Variants in CFAP221 observed in about 807,000 individuals in gnomAD.
The protein encoded by CFAP221 is cilia and flagella associated protein 221.
A neutral mutation model predicts 113.1 loss-of-function variants in CFAP221; 97 were observed. That is an observed-to-expected ratio of 0.86 (90% confidence interval 0.73 to 1.02). The LOEUF (loss-of-function observed/expected upper bound fraction) is 1.02, where lower values mean the gene tolerates loss of function less well. Ranked by LOEUF, CFAP221 falls within the 50% of genes least tolerant of loss-of-function variation. The pLI, the probability that CFAP221 is intolerant of heterozygous loss-of-function variation, is 0.00. For synonymous variants in CFAP221, 331 were observed against 354.4 expected, an observed-to-expected ratio of 0.93 and a Z score of 0.74; for missense variants, 1,025 against 1,013.4, an observed-to-expected ratio of 1.01 and a Z score of -0.16.
chr2:119,628,293 G>GCT (rs5833795), intron 16 of CFAP221, among the ~76,000 whole-genome samples: 4 of 145,674 alleles, frequency 2.7e-5, no homozygotes, highest in African/African-American at 1.1e-4. Context: ...TCTCTCTGGG[G>GCT]GGTGTGTGTG....
At chr2:119,613,971 A>G (rs568065788) in intron 13 of CFAP221, among the ~76,000 whole-genome samples, 10 of 152,358 alleles carry the variant, frequency 6.6e-5, no homozygotes, top group African/African-American at 2.2e-4. Flanking sequence ...GACAGCACCC[A>G]AGTCACCTCT....
At chr2:119,561,719 A>C (rs1378807710) in intron 5 of CFAP221, among the ~76,000 whole-genome samples, 1 of 150,640 alleles carries the variant, frequency 6.6e-6, no homozygotes, top group Non-Finnish European at 1.5e-5. Flanking sequence ...TTTCTTTATA[A>C]TTTTCTGAAA....
At chr2:119,562,617 A>T (rs1364369396) in intron 6 of CFAP221, among the ~76,000 whole-genome samples, 1 of 152,228 alleles carries the variant, frequency 6.6e-6, no homozygotes, top group Non-Finnish European at 1.5e-5. Context: ...TGTTTTGGAG[A>T]CAAAGGCAAA....
chr2:119,607,721 A>T (rs1451152418), intron 11 of CFAP221, among the ~76,000 whole-genome samples: 1 of 152,078 alleles, frequency 6.6e-6, no homozygotes, highest in Non-Finnish European at 1.5e-5. Flanking sequence ...GTCTCTATGG[A>T]TTTGCCCACT....
chr2:119,570,405 A>T (rs1295233136), intron 6 of CFAP221, among the ~76,000 whole-genome samples: 3 of 152,234 alleles, frequency 2.0e-5, no homozygotes, highest in African/African-American at 7.2e-5. Context: ...CACATATGAT[A>T]AAATTTGCTA....
chr2:119,653,242 G>A (rs369545489), intron 23 of CFAP221, among the ~76,000 whole-genome samples: 22 of 151,982 alleles, frequency 1.4e-4, no homozygotes, highest in Admixed American at 2.6e-4. Flanking sequence ...TTAGCTGGGC[G>A]TGGTGGCAGG....
chr2:119,578,036 C>G (rs1472758128), intron 6 of CFAP221, among the ~76,000 whole-genome samples: 2 of 152,184 alleles, frequency 1.3e-5, no homozygotes, highest in Admixed American at 1.3e-4. Flanking sequence ...ATGGTCCACT[C>G]AAATACTGGC....
At chr2:119,550,303 G>A (rs1277218546) in intron 3 of CFAP221, among the ~76,000 whole-genome samples, 1 of 152,178 alleles carries the variant, frequency 6.6e-6, no homozygotes, top group Non-Finnish European at 1.5e-5. Flanking sequence ...AACACTGGAG[G>A]AAACTGACAA....
chr2:119,617,351 A>C (rs1685596986), intron 14 of CFAP221, among the ~76,000 whole-genome samples: 2 of 152,318 alleles, frequency 1.3e-5, no homozygotes, highest in South Asian at 4.1e-4. Context: ...ATATGTGCAA[A>C]CAGAGTCCAC....
At chr2:119,612,330 G>A (rs1194228647) in intron 13 of CFAP221, among the ~76,000 whole-genome samples, 2 of 152,210 alleles carry the variant, frequency 1.3e-5, no homozygotes, top group East Asian at 3.8e-4. Context: ...TTGACTCATA[G>A]TTCTGAATGG....
chr2:119,565,619 T>C (rs1454382524), intron 6 of CFAP221, among the ~76,000 whole-genome samples: 2 of 152,134 alleles, frequency 1.3e-5, no homozygotes, highest in East Asian at 3.9e-4. Context: ...AGCTAAACAG[T>C]TTATTTAACT....
chr2:119,642,256 A>C (rs1687538022), intron 21 of CFAP221, among the ~76,000 whole-genome samples: 1 of 152,134 alleles, frequency 6.6e-6, no homozygotes, highest in Admixed American at 6.5e-5. Context: ...GGGATGTAAG[A>C]CTCTAGGTCA....
intron 2 of CFAP221, among the ~76,000 whole-genome samples, chr2:119,547,727 G>A (rs925962223): frequency 1.5e-4 from 23 of 152,114 alleles, no homozygotes; most frequent in Admixed American, 6.6e-5. Context: ...TGGCCCAAGT[G>A]GATGACAGTG....
chr2:119,603,621 GA>G (rs1181329924), intron 8 of CFAP221, among the ~76,000 whole-genome samples: 2 of 152,124 alleles, frequency 1.3e-5, no homozygotes, highest in Admixed American at 6.6e-5. Context: ...TACTGTCATG[GA>G]AAACAAATGT....
intron 6 of CFAP221, among the ~76,000 whole-genome samples, chr2:119,563,824 G>A (rs1306933875): frequency 6.6e-6 from 1 of 152,224 alleles, no homozygotes; most frequent in Non-Finnish European, 1.5e-5. Context: ...TACAGGAGGT[G>A]ACAGCTGGGT....
At position 119,651,978 on chromosome 2, in the gene CFAP221, C is replaced by T. The variant is rs1244177107; in HGVS notation, c.2323C>T (p.Leu775Phe). ...AAACATCTTATTACTTTGCAGTGAG[C>T]TCTGTGAGCAGAATGTAGAAGTTAT... Reference protein sequence around the residue: ...EDRLETVERELCEQNVEVMLT... With the variant: ...EDRLETVEREFCEQNVEVMLT... The change falls in exon 23 of 24, where the codon CTC (leucine) becomes TTC (phenylalanine). Residue 775 changes from leucine to phenylalanine, a missense_variant. Coordinates refer to ENST00000413369, the MANE Select transcript of CFAP221 (RefSeq NM_001271049.2). The T allele has an allele frequency of 6.2e-7, 1 of 1,610,440 alleles. No homozygotes were observed. The highest frequency in any genetic ancestry group is 1.7e-5 in the Admixed American group (1 of 59,508).
At chr2:119,632,288 C>T (rs2104768393) in intron 19 of CFAP221, among the ~76,000 whole-genome samples, 1 of 152,184 alleles carries the variant, frequency 6.6e-6, no homozygotes, top group East Asian at 1.9e-4. Flanking sequence ...AAATTAATTG[C>T]TATATAAAAA....
chr2:119,606,013 A>AG (rs1050991380), intron 11 of CFAP221, among the ~76,000 whole-genome samples: 2 of 152,060 alleles, frequency 1.3e-5, no homozygotes, highest in African/African-American at 4.8e-5. Context: ...TTGCATATCC[A>AG]GTGTTATGGA....
At chr2:119,608,303 A>G (rs893740267) in intron 11 of CFAP221, among the ~76,000 whole-genome samples, 199 bp from the exon 12 acceptor site, 1 of 152,196 alleles carries the variant, frequency 6.6e-6, no homozygotes, top group South Asian at 2.1e-4. Flanking sequence ...ACTATTTAAG[A>G]TAAGCTTAAC....
Sources: allele counts gnomAD v4.1 joint callset (sites outside exome capture counted in the v4.1 genomes callset), GRCh38; gene constraint gnomAD v4.1.1; transcripts MANE v1.5; gene names NCBI Gene and HGNC (gene_info 2026-07-23, HGNC 2026-07-21).